Variants in PPM1H observed in about 807,000 individuals in gnomAD.
PPM1H encodes protein phosphatase, Mg2+/Mn2+ dependent 1H.
A neutral mutation model predicts 54.9 loss-of-function variants in PPM1H; 27 were observed. The ratio of observed to expected loss-of-function variants is 0.49; its 90% confidence interval spans 0.36 to 0.68. The LOEUF (loss-of-function observed/expected upper bound fraction) is 0.68, where lower values mean the gene tolerates loss of function less well. Among genes scored for constraint, PPM1H ranks in the 30% least tolerant of loss-of-function variants. The probability of loss-of-function intolerance (pLI) is 0.00; values close to 1 mark genes in which losing one functional copy is unlikely to be tolerated. For missense variants in PPM1H, 596 were observed against 667.8 expected (o/e 0.89, Z 1.19); for synonymous variants, 305 against 270.8 (o/e 1.13, Z -1.24).
chr12:62,864,347 A>T (rs1468047954), intron 1 of PPM1H, among the ~76,000 whole-genome samples: 2 of 152,188 alleles, frequency 1.3e-5, no homozygotes, highest in Non-Finnish European at 2.9e-5. Flanking sequence ...ATATTGGTTT[A>T]AAAAAATCAG....
chr12:62,714,684 C>T (rs532759284), intron 6 of PPM1H, among the ~76,000 whole-genome samples: 5 of 152,266 alleles, frequency 3.3e-5, no homozygotes, highest in East Asian at 1.9e-4. Context: ...AGGTGCCTAT[C>T]GCCAAAACAG....
chr12:62,931,628 G>A (rs927234408), intron 1 of PPM1H, among the ~76,000 whole-genome samples: 3 of 152,198 alleles, frequency 2.0e-5, no homozygotes, highest in African/African-American at 7.2e-5. Context: ...TGTAGAGAAC[G>A]AGTTTGGTGT....
At chr12:62,685,901 T>C (rs1259606625) in intron 8 of PPM1H, among the ~76,000 whole-genome samples, 1 of 152,222 alleles carries the variant, frequency 6.6e-6, no homozygotes, top group African/African-American at 2.4e-5. Flanking sequence ...TATTTGTCAA[T>C]TAAAAATAAA....
chr12:62,769,620 C>T (rs1181037088), intron 4 of PPM1H, among the ~76,000 whole-genome samples: 1 of 152,172 alleles, frequency 6.6e-6, no homozygotes, highest in African/African-American at 2.4e-5. Flanking sequence ...ATTGAAAATA[C>T]CATACTGAAC....
intron 1 of PPM1H, among the ~76,000 whole-genome samples, chr12:62,882,951 G>C (rs371248537): frequency 6.6e-6 from 1 of 152,024 alleles, no homozygotes; most frequent in Non-Finnish European, 1.5e-5. Context: ...TTTAGCAAAG[G>C]CCTATTCAAC....
intron 1 of PPM1H, among the ~76,000 whole-genome samples, chr12:62,871,311 AT>A (rs1227656289): frequency 6.6e-6 from 1 of 152,164 alleles, no homozygotes; most frequent in African/African-American, 2.4e-5. Flanking sequence ...ATATGAGTCT[AT>A]TTATATGAAA....
At chr12:62,891,769 C>G (rs777897828) in intron 1 of PPM1H, among the ~76,000 whole-genome samples, 1 of 152,172 alleles carries the variant, frequency 6.6e-6, no homozygotes, top group Non-Finnish European at 1.5e-5. Context: ...AAGTGGATCA[C>G]TATACTCTTC....
intron 3 of PPM1H, chr12:62,788,632 C>T (rs2076686983): frequency 3.5e-6 from 1 of 289,492 alleles, no homozygotes; most frequent in Non-Finnish European, 6.5e-6. Context: ...AATATCACAG[C>T]TTATGGAAAA....
intron 5 of PPM1H, among the ~76,000 whole-genome samples, chr12:62,734,132 AT>A (rs60742123): frequency 0.21 from 29,716 of 142,332 alleles, 3,793 homozygotes; most frequent in East Asian, 0.45. Flanking sequence ...TGCCACATGA[AT>A]TTTTTTTTTT....
intron 1 of PPM1H, among the ~76,000 whole-genome samples, chr12:62,884,515 A>AAAAAAAAAAAAG (rs1555203634): frequency 6.8e-6 from 1 of 146,328 alleles, no homozygotes; most frequent in African/African-American, 2.7e-5. Flanking sequence ...AAAAAAAAAA[A>AAAAAAAAAAAAG]AAAGAAAGAA....
intron 1 of PPM1H, among the ~76,000 whole-genome samples, chr12:62,913,910 G>T (rs1871540516): frequency 6.6e-6 from 1 of 152,150 alleles, no homozygotes; most frequent in Admixed American, 6.5e-5. Context: ...ATGTTGGCCA[G>T]GCTGGTCTCG....
At chr12:62,852,317 T>C (rs1869225164) in intron 1 of PPM1H, among the ~76,000 whole-genome samples, 1 of 151,458 alleles carries the variant, frequency 6.6e-6, no homozygotes, top group African/African-American at 2.4e-5. Flanking sequence ...GATTGGTGCC[T>C]TTATAAGAGA....
At chr12:62,653,733 A>T (rs1306072220) in intron 9 of PPM1H, among the ~76,000 whole-genome samples, 1 of 152,196 alleles carries the variant, frequency 6.6e-6, no homozygotes, top group East Asian at 1.9e-4. Context: ...GGATTTCTGT[A>T]GTGCTAGAAC....
At chr12:62,678,809 G>C (rs2076002049) in intron 8 of PPM1H, among the ~76,000 whole-genome samples, 1 of 151,994 alleles carries the variant, frequency 6.6e-6, no homozygotes, top group African/African-American at 2.4e-5. Context: ...TCGTGCCTTA[G>C]CCTCCCAAGC....
At chr12:62,694,124 T>G in intron 6 of PPM1H, 125 bp from the exon 7 acceptor site, 3 of 772,708 alleles carry the variant, frequency 3.9e-6, no homozygotes, top group Non-Finnish European at 6.5e-6. Flanking sequence ...TGACTACCTC[T>G]TCCTTTATAG....
At chr12:62,669,448 A>G (rs547687967) in intron 8 of PPM1H, among the ~76,000 whole-genome samples, 13 of 152,284 alleles carry the variant, frequency 8.5e-5, no homozygotes, top group Admixed American at 8.5e-4. Context: ...CTCCCAGGTG[A>G]TGCCAATGCT....
intron 7 of PPM1H, among the ~76,000 whole-genome samples, chr12:62,692,963 A>T (rs1403976988): frequency 1.3e-5 from 2 of 149,286 alleles, no homozygotes; most frequent in Non-Finnish European, 3.0e-5. Flanking sequence ...ACACACACAC[A>T]CTCTGCCCAT....
intron 6 of PPM1H, among the ~76,000 whole-genome samples, chr12:62,719,727 TG>T (rs1251368425): frequency 6.6e-6 from 1 of 152,274 alleles, no homozygotes; most frequent in African/African-American, 2.4e-5. Flanking sequence ...ACTTTATCCA[TG>T]GAAAAATGGG....
At position 62,681,501 on chromosome 12, in the gene PPM1H, A is replaced by G. The variant is rs577805944; in HGVS notation, c.1245+8198T>C. Among the ~76,000 whole-genome samples, 25 of 152,342 alleles carry G rather than the reference A, an allele frequency of 1.6e-4. No homozygotes were observed. The South Asian group carries it at 5.2e-3, about 32-fold the overall frequency. On this transcript the variant is annotated intron_variant, in intron 8 of 9. Transcript: ENST00000228705. ...TATCTACTGCCTTAGGTCCAGTTCA[A>G]GGACCTCTGGGGCAGTTAGCTTTAT...
Sources: gnomAD v4.1 joint callset for allele counts (sites outside exome capture counted in the v4.1 genomes callset) on GRCh38, gnomAD v4.1.1 for gene constraint, MANE v1.5 for transcripts, NCBI Gene and HGNC (gene_info 2026-07-23, HGNC 2026-07-21) for gene names.